Variants in SIRT5 observed in about 807,000 individuals in gnomAD.
The protein encoded by SIRT5 is sirtuin 5.
Under a neutral mutation model 40.0 loss-of-function variants are expected in SIRT5, and 26 were observed. That is an observed-to-expected ratio of 0.65 (90% CI 0.48 to 0.90). The LOEUF is 0.90. Ranked by LOEUF, SIRT5 falls within the 40% of genes least tolerant of loss-of-function variation. The pLI is 0.00. For synonymous variants in SIRT5, 146 were observed against 149.1 expected, an observed-to-expected ratio of 0.98 and a Z score of 0.15; for missense variants, 401 against 402.4, an observed-to-expected ratio of 1.00 and a Z score of 0.03.
rs772115045 is a variant in SIRT5, at chr6:13,599,055, G to A, written c.641G>A (p.Gly214Asp). The A allele has an allele frequency of 2.5e-6, 4 of 1,614,036 alleles. No individual in the cohort carries two copies. Among genetic ancestry groups the A allele is most frequent in the South Asian group, 1.1e-5 (1 of 91,068 alleles). Residue 214 changes from glycine (G) to aspartate (D), a missense_variant, in exon 8 of 10, where the codon GGC becomes GAC. Gly to Asp is a moderately conservative substitution (Grantham distance 94). Coordinates refer to ENST00000606117, the MANE Select transcript of SIRT5 (RefSeq NM_012241.5). The part of the protein sequence containing the change: ...LPRCEEAGCG[G>D]LLRPHVVWFG... ...AGGTGTGAAGAGGCAGGCTGCGGGG[G>A]CTTGCTGCGACCTCACGTCGTGTGG...
At chr6:13,601,823 G>A (rs1187794656) in intron 9 of SIRT5, among the ~76,000 whole-genome samples, 1 of 150,718 alleles carries the variant, frequency 6.6e-6, no homozygotes, top group Non-Finnish European at 1.5e-5. Flanking sequence ...ACTCTTCTAA[G>A]TCTTTGCTGG....
intron 3 of SIRT5, among the ~76,000 whole-genome samples, chr6:13,586,062 T>C (rs1760040144): frequency 6.6e-6 from 1 of 152,252 alleles, no homozygotes; most frequent in Non-Finnish European, 1.5e-5. Flanking sequence ...TGTCTGTTCA[T>C]GTCCTTTGCC....
intron 9 of SIRT5, among the ~76,000 whole-genome samples, chr6:13,603,076 G>C (rs577154678): frequency 6.6e-6 from 1 of 152,230 alleles, no homozygotes; most frequent in East Asian, 1.9e-4. Context: ...AGGAGATCGA[G>C]ACCATCCTGG....
intron 6 of SIRT5, among the ~76,000 whole-genome samples, chr6:13,596,136 G>A (rs1348935673): frequency 6.6e-6 from 1 of 152,188 alleles, no homozygotes; most frequent in African/African-American, 2.4e-5. Flanking sequence ...ATAGTTAAAA[G>A]ACCAGAAGAA....
At chr6:13,578,355 A>C (rs1353567326) in intron 1 of SIRT5, among the ~76,000 whole-genome samples, 1 of 152,064 alleles carries the variant, frequency 6.6e-6, no homozygotes, top group Admixed American at 6.6e-5. Context: ...AGTTTTTTAG[A>C]AGAGTTTGAA....
chr6:13,592,838 A>G (rs565288031), intron 5 of SIRT5, among the ~76,000 whole-genome samples: 1 of 152,294 alleles, frequency 6.6e-6, no homozygotes, highest in South Asian at 2.1e-4. Flanking sequence ...ATTTGCATTT[A>G]AAGAGTCTGC....
intron 9 of SIRT5, among the ~76,000 whole-genome samples, chr6:13,602,798 C>T (rs911836479): frequency 4.6e-5 from 7 of 152,026 alleles, no homozygotes; most frequent in Non-Finnish European, 1.0e-4. Context: ...GATCATAGAC[C>T]TAAATGTAAG....
At position 13,588,396 on chromosome 6, in the gene SIRT5, G is replaced by T. The variant is rs1335111688; in HGVS notation, c.181G>T (p.Val61Phe). ...KHIVIISGAG[V>F]SAESGVPTFR... The stretch of plus-strand genomic sequence containing the variant: ...CATAGTCATCATCTCAGGAGCTGGT[G>T]TTAGTGCAGAAAGTGGTGTTCCGAC... The change falls in exon 4 of 10, where the codon GTT becomes TTT. Residue 61 changes from valine to phenylalanine, a missense_variant. By Grantham distance (50) the Val-to-Phe change is conservative. Transcript: ENST00000606117. 1 of 1,614,124 alleles carries T rather than the reference G, an allele frequency of 6.2e-7. No homozygotes were observed. The highest frequency in any genetic ancestry group is 8.5e-7 in the Non-Finnish European group (1 of 1,180,044).
rs757231999 is a variant in SIRT5, at chr6:13,595,562, A to G, written c.561A>G (p.Lys187=). Residue 187 remains lysine, a splice_region_variant and synonymous_variant, in exon 6 of 10, where the codon AAA becomes AAG. Transcript: ENST00000606117. The part of the protein sequence containing the change: ...KSPICPALSG[K]GAPEPGTQDA... ...CAATTTGTCCAGCTTTATCAGGAAA[A>G]GGGTAATTATACCACACTACAGAAT... The G allele has an allele frequency of 1.9e-6, 3 of 1,609,434 alleles. No homozygotes were observed. Among genetic ancestry groups the G allele is most frequent in the South Asian group, 2.2e-5 (2 of 90,986 alleles).
At chr6:13,611,234 T>TATATATATAC (rs1763854690) in intron 9 of SIRT5, among the ~76,000 whole-genome samples, 1 of 132,682 alleles carries the variant, frequency 7.5e-6, no homozygotes, top group Non-Finnish European at 1.6e-5. Context: ...TATATATATA[T>TATATATATAC]ATACACACAC....
At chr6:13,604,136 G>A (rs1762782795) in intron 9 of SIRT5, among the ~76,000 whole-genome samples, 1 of 152,216 alleles carries the variant, frequency 6.6e-6, no homozygotes, top group Non-Finnish European at 1.5e-5. Context: ...GTATAATTCT[G>A]TGAATACACT....
In SIRT5 at chr6:13,599,050, C is replaced by T. The variant is rs193177534; in HGVS notation, c.636C>T (p.Cys212=). ...CTTCCAGGTGTGAAGAGGCAGGCTG[C>T]GGGGGCTTGCTGCGACCTCACGTCG... ...EKLPRCEEAG[C]GGLLRPHVVW... is the part of the protein sequence containing the mutation. The change falls in exon 8 of 10, where the codon TGC becomes TGT. Residue 212 remains cysteine, a synonymous_variant. Coordinates refer to ENST00000606117, the MANE Select transcript of SIRT5 (RefSeq NM_012241.5). The T allele has an allele frequency of 4.2e-5, 67 of 1,613,930 alleles. No individual in the cohort carries two copies. Among genetic ancestry groups the T allele is most frequent in the African/African-American group, 5.3e-5 (4 of 74,990 alleles).
At chr6:13,593,199 A>G (rs886900673) in intron 5 of SIRT5, among the ~76,000 whole-genome samples, 2 of 152,222 alleles carry the variant, frequency 1.3e-5, no homozygotes, top group African/African-American at 4.8e-5. Context: ...GGCTTGAGCC[A>G]CTGTGCCAGC....
intron 9 of SIRT5, among the ~76,000 whole-genome samples, chr6:13,611,260 TATATATACACACAC>T (rs1763878381): frequency 6.9e-6 from 1 of 145,068 alleles, no homozygotes; most frequent in African/African-American, 2.5e-5. Flanking sequence ...CACACACACA[TATATATACACACAC>T]ATATATACAC....
At chr6:13,601,587 T>A (rs554576667) in intron 9 of SIRT5, among the ~76,000 whole-genome samples, 48 of 152,256 alleles carry the variant, frequency 3.2e-4, no homozygotes, top group Admixed American at 9.2e-4. Context: ...AGTTAGAATA[T>A]AAATAAGTAG....
intron 7 of SIRT5, among the ~76,000 whole-genome samples, chr6:13,598,317 T>C (rs77448852): frequency 0.013 from 1,966 of 152,226 alleles, 44 homozygotes; most frequent in African/African-American, 0.045. Context: ...ACAGGAAAGC[T>C]GGCTACATAC....
Position 13,595,359 on chromosome 6 carries a change from G to A in SIRT5, c.476-118G>A, listed in dbSNP as rs554764772. On this transcript the variant is annotated intron_variant, in intron 5 of 9. Coordinates refer to ENST00000606117, the MANE Select transcript of SIRT5 (RefSeq NM_012241.5). ...GCTACACTCCAGCCTGGGTAACTGGGTGAGACCAAAACATGAAATGAAGTG... is the reference window on the plus strand; with the variant it reads ...GCTACACTCCAGCCTGGGTAACTGGATGAGACCAAAACATGAAATGAAGTG... 14 of 778,366 alleles carry A rather than the reference G, an allele frequency of 1.8e-5. No homozygotes were observed. The East Asian group carries it at 2.9e-4, about 16-fold the overall frequency. 48.2% of individuals were successfully genotyped at this position (778,366 alleles called of 1,614,324 possible).
In SIRT5 at chr6:13,614,998, G is replaced by T; in HGVS notation, c.*3133G>T. ...AAAAAACGGCGGCGAGCAGCGCCTC[G>T]GGCCCGCGATTACCGGTTTTCTGAG... On this transcript the variant is annotated 3_prime_UTR_variant, in exon 10 of 10. Coordinates refer to ENST00000606117, the MANE Select transcript of SIRT5 (RefSeq NM_012241.5). The T allele has an allele frequency of 4.2e-6, 1 of 240,282 alleles. No homozygotes were observed. Among genetic ancestry groups the T allele is most frequent in the East Asian group, 8.3e-5 (1 of 12,076 alleles). The allele number at this position is 240,282 out of a possible 1,614,324, so 14.9% of individuals were successfully genotyped here.
chr6:13,582,056 C>T (rs971874894), intron 2 of SIRT5, among the ~76,000 whole-genome samples: 2 of 152,208 alleles, frequency 1.3e-5, no homozygotes, highest in African/African-American at 4.8e-5. Flanking sequence ...ATCCTCTAAT[C>T]AGTCCATTCC....
Sources: allele counts gnomAD v4.1 joint callset (sites outside exome capture counted in the v4.1 genomes callset), GRCh38; gene constraint gnomAD v4.1.1; transcripts MANE v1.5; gene names NCBI Gene and HGNC (gene_info 2026-07-23, HGNC 2026-07-21).